The following DLG1 variants were observed in gnomAD, a reference collection of about 807,000 sequenced individuals.
The protein encoded by DLG1 is disks large homolog 1.
Under a neutral mutation model 123.4 loss-of-function variants are expected in DLG1, and 42 were observed. That is an observed-to-expected ratio of 0.34 (90% confidence interval 0.27 to 0.44). The LOEUF (loss-of-function observed/expected upper bound fraction) is 0.44. DLG1 is among the 20% of genes least tolerant of loss of function. DLG1 has a pLI of 1.00. For synonymous variants in DLG1, 317 were observed against 356.2 expected, an observed-to-expected ratio of 0.89 and a Z score of 1.24; for missense variants, 942 against 1,082.6, an observed-to-expected ratio of 0.87 and a Z score of 1.82.
At position 197,279,575 on chromosome 3, in the gene DLG1, A is replaced by G. The variant is rs151035567; in HGVS notation, c.318+3104T>C. The stretch of plus-strand genomic sequence containing the variant: ...CTTCTCATCTACTTTCCAAACTAAT[A>G]AGATCTGACGCTCACAATATGAAAG... On this transcript the variant is annotated intron_variant, in intron 4 of 24. Transcript: ENST00000667157. Among the ~76,000 whole-genome samples the G allele has an allele frequency of 2.4e-4, 36 of 152,300 alleles. No individual in the cohort carries two copies. The East Asian group carries it at 6.6e-3, about 28-fold the overall frequency.
chr3:197,103,701 A>G (rs1447753189), intron 14 of DLG1, among the ~76,000 whole-genome samples: 3 of 150,570 alleles, frequency 2.0e-5, no homozygotes, highest in Non-Finnish European at 4.4e-5. Flanking sequence ...AGACCAAGCA[A>G]TGCTCAACAT....
At chr3:197,104,550 T>C (rs9823530) in intron 14 of DLG1, among the ~76,000 whole-genome samples, 52,224 of 151,886 alleles carry the variant, frequency 0.34, 9,551 homozygotes, top group African/African-American at 0.43. Context: ...GGTATGGTGG[T>C]GCATGCCTGT....
chr3:197,252,283 T>C (rs1754808477), intron 4 of DLG1, among the ~76,000 whole-genome samples: 1 of 152,204 alleles, frequency 6.6e-6, no homozygotes, highest in Middle Eastern at 3.2e-3. Flanking sequence ...TCAAAGAGAT[T>C]ATACTGTTTT....
Position 197,174,284 on chromosome 3 carries a change from A to T in DLG1, c.483+20141T>A, listed in dbSNP as rs181873160. 3.9e-5 allele frequency among the ~76,000 whole-genome samples: 6 copies of T among 152,294 alleles called. No individual in the cohort carries two copies. The East Asian group carries it at 1.2e-3, about 29-fold the overall frequency. On this transcript the variant is annotated intron_variant, in intron 5 of 24. Transcript: ENST00000667157. The stretch of plus-strand genomic sequence containing the variant: ...CTATAAATGGTTTAATTCTGTTGCA[A>T]TTCTTAGTCTACAATAAAAATAAGC...
At chr3:197,258,030 C>A (rs537994509) in intron 4 of DLG1, among the ~76,000 whole-genome samples, 1 of 152,202 alleles carries the variant, frequency 6.6e-6, no homozygotes, top group African/African-American at 2.4e-5. Context: ...AATACTGTAA[C>A]CAAGCTGATT....
At chr3:197,046,210 A>G (rs549852465) in intron 24 of DLG1, among the ~76,000 whole-genome samples, 5 of 152,316 alleles carry the variant, frequency 3.3e-5, no homozygotes, top group East Asian at 3.9e-4. Context: ...GGTTGACAAC[A>G]GCACGCAAGG....
chr3:197,050,456 A>C (rs535033538), intron 24 of DLG1, among the ~76,000 whole-genome samples: 1 of 152,352 alleles, frequency 6.6e-6, no homozygotes, highest in South Asian at 2.1e-4. Context: ...GTATGCATGC[A>C]TATGGTATAT....
chr3:197,271,996 G>A (rs1215090623), intron 4 of DLG1, among the ~76,000 whole-genome samples: 1 of 152,008 alleles, frequency 6.6e-6, no homozygotes, highest in Non-Finnish European at 1.5e-5. Flanking sequence ...TTAGTTTATG[G>A]GAGTTTTATG....
At chr3:197,189,199 T>C (rs1717834028) in intron 5 of DLG1, among the ~76,000 whole-genome samples, 1 of 152,222 alleles carries the variant, frequency 6.6e-6, no homozygotes, top group Non-Finnish European at 1.5e-5. Flanking sequence ...GTCCAAAGAT[T>C]ACTCATTGCA....
intron 5 of DLG1, among the ~76,000 whole-genome samples, chr3:197,174,040 G>A (rs777864721): frequency 3.3e-5 from 5 of 152,052 alleles, no homozygotes; most frequent in Non-Finnish European, 5.9e-5. Flanking sequence ...CTGAGATCGC[G>A]CCACTGCACT....
At chr3:197,075,858 C>T (rs1746886639) in intron 18 of DLG1, 6 of 1,612,174 alleles carry the variant, frequency 3.7e-6, no homozygotes, top group South Asian at 1.1e-5. Context: ...GATCCCATGT[C>T]GTCAGGGATC....
intron 4 of DLG1, among the ~76,000 whole-genome samples, chr3:197,200,571 C>T (rs1471485259): frequency 6.6e-6 from 1 of 151,832 alleles, no homozygotes; most frequent in African/African-American, 2.4e-5. Flanking sequence ...GATGTAAAAA[C>T]CTAAAGAAAA....
intron 5 of DLG1, among the ~76,000 whole-genome samples, chr3:197,180,537 A>C (rs1274339181): frequency 3.3e-5 from 5 of 152,234 alleles, no homozygotes; most frequent in African/African-American, 1.2e-4. Flanking sequence ...AATGTAATTC[A>C]TAAGAAACTC....
intron 11 of DLG1, among the ~76,000 whole-genome samples, chr3:197,127,179 T>C (rs1482363104): frequency 6.6e-6 from 1 of 151,588 alleles, no homozygotes; most frequent in Non-Finnish European, 1.5e-5. Context: ...TCCCAGCACT[T>C]TGAGAGGCCG....
intron 4 of DLG1, among the ~76,000 whole-genome samples, chr3:197,233,109 A>G (rs957281909): frequency 1.3e-5 from 2 of 152,230 alleles, no homozygotes; most frequent in African/African-American, 4.8e-5. Flanking sequence ...GCAGGATACA[A>G]GAGTAAAATA....
chr3:197,079,200 G>C (rs1310610847), intron 17 of DLG1, among the ~76,000 whole-genome samples: 1 of 152,154 alleles, frequency 6.6e-6, no homozygotes, highest in Non-Finnish European at 1.5e-5. Flanking sequence ...AAGAGAGACA[G>C]TGTAAGAATT....
intron 4 of DLG1, among the ~76,000 whole-genome samples, chr3:197,229,027 A>C (rs950756081): frequency 3.4e-4 from 52 of 152,198 alleles, no homozygotes; most frequent in African/African-American, 1.3e-3. Flanking sequence ...GCCCCCAGGG[A>C]CACCTGGCAA....
intron 5 of DLG1, among the ~76,000 whole-genome samples, chr3:197,165,499 C>T (rs932624460): frequency 1.3e-5 from 2 of 152,030 alleles, no homozygotes; most frequent in Non-Finnish European, 2.9e-5. Flanking sequence ...TAACAAATGG[C>T]TAAAATGGTA....
intron 4 of DLG1, among the ~76,000 whole-genome samples, chr3:197,271,957 G>A (rs1764089607): frequency 6.6e-6 from 1 of 152,106 alleles, no homozygotes. Context: ...TACACAAAAT[G>A]CACACACCTC....
Sources: allele counts gnomAD v4.1 joint callset (sites outside exome capture counted in the v4.1 genomes callset), GRCh38; gene constraint gnomAD v4.1.1; transcripts MANE v1.5; gene names NCBI Gene and HGNC (gene_info 2026-07-23, HGNC 2026-07-21).